Variants in PTP4A3 observed in about 807,000 individuals in gnomAD.
PTP4A3 encodes the protein protein tyrosine phosphatase 4A3, also known as protein tyrosine phosphatase type IVA 3.
In PTP4A3, 9 loss-of-function variants were observed where a neutral mutation model predicts 15.2. The observed-to-expected ratio is 0.59, with a 90% CI of 0.36 to 1.03. The LOEUF is 1.03. Among genes scored for constraint, PTP4A3 ranks in the 50% least tolerant of loss-of-function variants. The pLI is 0.02. For synonymous variants in PTP4A3, 95 were observed against 102.0 expected, an observed-to-expected ratio of 0.93 and a Z score of 0.41; for missense variants, 234 against 252.1, an observed-to-expected ratio of 0.93 and a Z score of 0.49.
At chr8:141,430,871 T>G in intron 5 of PTP4A3, 56 bp from the exon 6 acceptor site, 22 of 1,557,262 alleles carry the variant, frequency 1.4e-5, no homozygotes, top group Non-Finnish European at 1.9e-5. Flanking sequence ...CTGGGGCAGG[T>G]GAGATGGCCG....
chr8:141,419,153 T>TG, intron 1 of PTP4A3, among the ~76,000 whole-genome samples: 1 of 151,808 alleles, frequency 6.6e-6, no homozygotes, highest in Non-Finnish European at 1.5e-5. Context: ...TAGTGTGGGG[T>TG]GGTTCGGAGC....
intron 2 of PTP4A3, 48 bp downstream of exon 2, chr8:141,422,393 A>T: frequency 6.2e-7 from 1 of 1,605,500 alleles, no homozygotes. Flanking sequence ...GGTGTCTGGG[A>T]AGCCCGGCTG....
intron 2 of PTP4A3, among the ~76,000 whole-genome samples, chr8:141,424,760 C>A (rs1034839657): frequency 6.6e-6 from 1 of 152,088 alleles, no homozygotes; most frequent in Non-Finnish European, 1.5e-5. Flanking sequence ...CCAGACACTA[C>A]CTCGACCAGT....
chr8:141,407,468 C>T (rs1010728754), intron 1 of PTP4A3, among the ~76,000 whole-genome samples: 4 of 152,122 alleles, frequency 2.6e-5, no homozygotes, highest in Admixed American at 1.3e-4. Flanking sequence ...TGAGGATAAA[C>T]GAAATGTGGC....
intron 1 of PTP4A3, among the ~76,000 whole-genome samples, chr8:141,408,794 G>A (rs932741795): frequency 6.6e-6 from 1 of 152,194 alleles, no homozygotes; most frequent in African/African-American, 2.4e-5. Flanking sequence ...CTGTGGGGAC[G>A]TCACCAGCTG....
intron 1 of PTP4A3, among the ~76,000 whole-genome samples, chr8:141,405,533 A>T (rs1035910244): frequency 2.6e-5 from 4 of 152,180 alleles, no homozygotes; most frequent in African/African-American, 9.7e-5. Flanking sequence ...CATCCTCAGC[A>T]TCCTCATCCA....
intron 1 of PTP4A3, among the ~76,000 whole-genome samples, chr8:141,409,486 C>G (rs972791589): frequency 6.6e-6 from 1 of 152,232 alleles, no homozygotes; most frequent in African/African-American, 2.4e-5. Context: ...CCCACCCCTT[C>G]TGGGCACCAC....
chr8:141,415,087 G>A (rs1298331369), intron 1 of PTP4A3, among the ~76,000 whole-genome samples: 1 of 152,136 alleles, frequency 6.6e-6, no homozygotes, highest in Non-Finnish European at 1.5e-5. Flanking sequence ...GGAGGAAATG[G>A]GGACAACAGG....
rs1421799278 is a variant in PTP4A3 at position 141,425,159 on chromosome 8, G to C, written c.198+19G>C. ...CGTTGTGGTGAGGCGCGCGCCACGG[G>C]GACCCTAGTCACTGCTGCCACCGGG... On this transcript the variant is annotated intron_variant, in intron 3 of 5. Transcript: ENST00000521578. This position sits in a 1 kb window ranked among gnomAD's most constrained non-coding sequence, Gnocchi z 4.2. The C allele has an allele frequency of 4.1e-6, 5 of 1,215,856 alleles. No homozygotes were observed. The African/African-American group carries it at 7.6e-5, about 19-fold the overall frequency. The allele number at this position is 1,215,856 out of a possible 1,614,324, so 75.3% of individuals were successfully genotyped here.
chr8:141,414,714 T>C (rs1220794839), intron 1 of PTP4A3, among the ~76,000 whole-genome samples: 6 of 148,640 alleles, frequency 4.0e-5, no homozygotes, highest in Admixed American at 6.6e-5. Flanking sequence ...GCAGCTGTCT[T>C]GGTGGCTGGG....
intron 1 of PTP4A3, among the ~76,000 whole-genome samples, chr8:141,414,879 G>A (rs998511136): frequency 1.3e-5 from 2 of 152,208 alleles, no homozygotes; most frequent in East Asian, 3.9e-4. Flanking sequence ...GCCTAGGGCA[G>A]CATCCTGATG....
intron 1 of PTP4A3, among the ~76,000 whole-genome samples, chr8:141,393,477 G>A (rs1424922750): frequency 2.0e-5 from 3 of 152,352 alleles, no homozygotes; most frequent in South Asian, 2.1e-4. Flanking sequence ...CCCCCAACGT[G>A]TTCTCCAAGC....
At chr8:141,429,258 G>A (rs998573072) in intron 5 of PTP4A3, among the ~76,000 whole-genome samples, 8 of 152,398 alleles carry the variant, frequency 5.2e-5, no homozygotes, top group Non-Finnish European at 1.2e-4. Flanking sequence ...GCTTTGCTGG[G>A]CAGAGACTCC....
rs114050969 is a variant in PTP4A3 at position 141,423,931 on chromosome 8, G to A, written c.106-1117G>A. Among the ~76,000 whole-genome samples the A allele has an allele frequency of 3.4e-3, 512 of 151,680 alleles. 1 individual carries two copies. Among genetic ancestry groups the A allele is most frequent in the African/African-American group, 0.012 (484 of 41,294 alleles). On this transcript the variant is annotated intron_variant, in intron 2 of 5. Transcript: ENST00000521578. ...GTGACCAGGGTTGGGGGCTCAGCAC[G>A]TGATCAGGATTAGGGCTCAGAGGTG...
rs1051374954 is a variant in PTP4A3, at chr8:141,431,304, G to T, written c.*260G>T. ...GCTGGCCGTGGCTCTGTCTCTCTGA[G>T]GTGGGTCGGGCGCCCTCTGCCCGCC... On this transcript the variant is annotated 3_prime_UTR_variant, in exon 6 of 6. Transcript: ENST00000521578. The T allele has an allele frequency of 1.3e-5, 7 of 540,548 alleles. No individual in the cohort carries two copies. The highest frequency in any genetic ancestry group is 2.3e-5 in the Non-Finnish European group (7 of 303,966). The allele number at this position is 540,548 out of a possible 1,614,324, so 33.5% of individuals were successfully genotyped here.
chr8:141,395,749 C>T (rs1832434032), intron 1 of PTP4A3, among the ~76,000 whole-genome samples: 1 of 150,548 alleles, frequency 6.6e-6, no homozygotes, highest in Admixed American at 6.6e-5. Context: ...CCCCTCCCTC[C>T]TGCAGCCCCC....
At chr8:141,401,969 C>T (rs979370819) in intron 1 of PTP4A3, among the ~76,000 whole-genome samples, 1 of 151,850 alleles carries the variant, frequency 6.6e-6, no homozygotes, top group East Asian at 1.9e-4. Flanking sequence ...AGGGGGGCCC[C>T]GTGATGCCAG....
chr8:141,421,178 C>T (rs1270591695), intron 1 of PTP4A3, among the ~76,000 whole-genome samples: 2 of 152,324 alleles, frequency 1.3e-5, no homozygotes, highest in South Asian at 4.1e-4. Context: ...CGCCTCTGGG[C>T]CCTGGGTCAG....
chr8:141,392,755 C>T (rs575047492), intron 1 of PTP4A3, among the ~76,000 whole-genome samples: 38 of 152,322 alleles, frequency 2.5e-4, no homozygotes, highest in Admixed American at 3.9e-4. Flanking sequence ...GGGGTGGTGG[C>T]ATGCTTAGCT....
Sources: gnomAD v4.1 joint callset for allele counts (sites outside exome capture counted in the v4.1 genomes callset) on GRCh38, gnomAD v4.1.1 for gene constraint, Gnocchi (gnomAD v3.1) non-coding constraint, MANE v1.5 for transcripts, NCBI Gene and HGNC (gene_info 2026-07-23, HGNC 2026-07-21) for gene names.